The following DEPDC4 variants were observed in gnomAD, a reference collection of about 807,000 sequenced individuals.
The protein encoded by DEPDC4 is DEP domain containing 4.
DEPDC4 carries 52 observed loss-of-function variants against 52.0 expected under a neutral mutation model. The ratio of observed to expected loss-of-function variants is 1.00; its 90% CI spans 0.80 to 1.26. DEPDC4 has a LOEUF of 1.26. Among genes scored for constraint, DEPDC4 ranks in the 50% most tolerant of loss-of-function variants. The pLI, the probability that DEPDC4 is intolerant of heterozygous loss-of-function variation, is 0.00. For missense variants in DEPDC4, 530 were observed against 546.9 expected, an observed-to-expected ratio of 0.97 and a Z score of 0.31; for synonymous variants, 201 against 196.8, an observed-to-expected ratio of 1.02 and a Z score of -0.18.
At chr12:100,244,091 C>CTCTATA (rs2096172627) in intron 8 of DEPDC4, among the ~76,000 whole-genome samples, 3 of 34,990 alleles carry the variant, frequency 8.6e-5, no homozygotes, top group Non-Finnish European at 1.1e-4. Context: ...CTCTCTCTCT[C>CTCTATA]TGTGTATATA....
At chr12:100,242,884 C>T (rs1321240528) in intron 8 of DEPDC4, among the ~76,000 whole-genome samples, 1 of 152,210 alleles carries the variant, frequency 6.6e-6, no homozygotes, top group Non-Finnish European at 1.5e-5. Context: ...AAAATCCCAG[C>T]TCTTAATCAA....
chr12:100,276,371 C>T, the DEPDC4 span, among the ~76,000 whole-genome samples: 2 of 152,010 alleles, frequency 1.3e-5, no homozygotes, highest in African/African-American at 4.8e-5. Flanking sequence ...CACTCTTTGT[C>T]ACGCAGGCCA....
At chr12:100,238,004 A>T (rs2096144396), downstream of DEPDC4, 1 of 935,004 alleles carries the variant, frequency 1.1e-6, no homozygotes, top group Non-Finnish European at 1.3e-6. Context: ...CAACTTTCCA[A>T]ATAAGGAGAC....
chr12:100,265,100 A>C (rs894992720), intron 1 of DEPDC4, among the ~76,000 whole-genome samples: 15 of 148,824 alleles, frequency 1.0e-4, no homozygotes, highest in Non-Finnish European at 2.1e-4. Flanking sequence ...GGATTTCAAG[A>C]CTAGCTTGGG....
intron 7 of DEPDC4, among the ~76,000 whole-genome samples, chr12:100,249,605 C>A (rs754074750): frequency 2.6e-5 from 4 of 152,214 alleles, no homozygotes; most frequent in Admixed American, 2.6e-4. Context: ...ACTAATAATA[C>A]TGTTACAGAG....
the DEPDC4 span, among the ~76,000 whole-genome samples, chr12:100,280,594 C>T: frequency 6.6e-6 from 1 of 152,056 alleles, no homozygotes; most frequent in Admixed American, 6.5e-5. Flanking sequence ...TTTAATTTAC[C>T]AAAGGAGAAA....
chr12:100,262,868 G>C (rs1388349067), intron 2 of DEPDC4, among the ~76,000 whole-genome samples: 1 of 152,124 alleles, frequency 6.6e-6, no homozygotes, highest in African/African-American at 2.4e-5. Context: ...ATGTTGTAAA[G>C]GAAAAGGAAT....
chr12:100,259,054 G>C (rs976426999), intron 3 of DEPDC4, among the ~76,000 whole-genome samples: 1 of 146,248 alleles, frequency 6.8e-6, no homozygotes, highest in East Asian at 1.9e-4. Context: ...CTGGGCGACA[G>C]GGCAAAAATC....
rs2096158419 is a variant in DEPDC4, at chr12:100,241,485, G to A, written c.*407C>T. Among the ~76,000 whole-genome samples the A allele has an allele frequency of 6.6e-6, 1 of 152,072 alleles. No individual in the cohort carries two copies. Among genetic ancestry groups the A allele is most frequent in the African/African-American group, 2.4e-5 (1 of 41,400 alleles). On this transcript the variant is annotated 3_prime_UTR_variant, in exon 10 of 10. Coordinates refer to ENST00000550587, the MANE Select transcript of DEPDC4 (RefSeq NM_001364818.2). ...GGCCAAGGCAGGAGGATGACTTGAG[G>A]CCAGGAGTTCGAGACCAGCCTGGGC...
At chr12:100,239,732 C>T (rs1186157828), downstream of DEPDC4, among the ~76,000 whole-genome samples, 1 of 152,044 alleles carries the variant, frequency 6.6e-6, no homozygotes, top group Non-Finnish European at 1.5e-5. Context: ...TGCTGTGTTG[C>T]CCAGGCTGGC....
chr12:100,245,624 A>G (rs1376545120), intron 8 of DEPDC4, among the ~76,000 whole-genome samples: 1 of 152,082 alleles, frequency 6.6e-6, no homozygotes, highest in Non-Finnish European at 1.5e-5. Context: ...TACCTCCTAA[A>G]TATTTCTCAA....
intron 9 of DEPDC4, among the ~76,000 whole-genome samples, chr12:100,242,046 T>C (rs2096161461): frequency 1.3e-5 from 2 of 152,134 alleles, no homozygotes; most frequent in Non-Finnish European, 2.9e-5. Context: ...CATTATTTGA[T>C]CTCTAAAATA....
At chr12:100,251,410 G>A (rs2096207264) in intron 7 of DEPDC4, among the ~76,000 whole-genome samples, 1 of 152,078 alleles carries the variant, frequency 6.6e-6, no homozygotes, top group South Asian at 2.1e-4. Flanking sequence ...TTTTACTAAT[G>A]CTACTGCTAC....
chr12:100,231,668 T>C (rs1330578951), intron 9 of DEPDC4, among the ~76,000 whole-genome samples: 2 of 152,354 alleles, frequency 1.3e-5, no homozygotes, highest in Middle Eastern at 3.4e-3. Context: ...TATTAACTTT[T>C]TGTTGCTAAT....
At chr12:100,249,314 G>A (rs564000289) in intron 7 of DEPDC4, among the ~76,000 whole-genome samples, 1 of 152,176 alleles carries the variant, frequency 6.6e-6, no homozygotes, top group South Asian at 2.1e-4. Context: ...CAGTCCATAT[G>A]TAAATAGTAG....
At chr12:100,231,808 G>T (rs1241916766) in intron 9 of DEPDC4, among the ~76,000 whole-genome samples, 1 of 152,094 alleles carries the variant, frequency 6.6e-6, no homozygotes, top group Non-Finnish European at 1.5e-5. Context: ...AGGCAGGTGT[G>T]GTGGGTCACG....
chr12:100,274,404 T>G, the DEPDC4 span, among the ~76,000 whole-genome samples: 1 of 152,120 alleles, frequency 6.6e-6, no homozygotes, highest in African/African-American at 2.4e-5. Context: ...AACCTTGGAG[T>G]TTATCAATTG....
intron 9 of DEPDC4, among the ~76,000 whole-genome samples, chr12:100,234,387 G>A (rs1389865884): frequency 6.6e-6 from 1 of 152,148 alleles, no homozygotes; most frequent in Non-Finnish European, 1.5e-5. Flanking sequence ...GGAGATTCTG[G>A]CTGAACTGAC....
chr12:100,272,017 C>T (rs1051881071), upstream of DEPDC4, among the ~76,000 whole-genome samples: 4 of 152,164 alleles, frequency 2.6e-5, no homozygotes, highest in Middle Eastern at 3.4e-3. Context: ...GCCAGGTGCA[C>T]GTAAAATCTA....
Sources: gnomAD v4.1 joint callset for allele counts (sites outside exome capture counted in the v4.1 genomes callset) on GRCh38, gnomAD v4.1.1 for gene constraint, MANE v1.5 for transcripts, NCBI Gene and HGNC (gene_info 2026-07-23, HGNC 2026-07-21) for gene names.